SHISA9: variants seen among roughly 807,000 people sequenced by gnomAD.
The protein encoded by SHISA9 is shisa family member 9, also known as protein shisa-9.
SHISA9 carries 13 observed loss-of-function variants against 38.0 expected under a neutral mutation model. The observed-to-expected ratio is 0.34, with a 90% CI of 0.22 to 0.54. The LOEUF is 0.54. Among genes scored for constraint, SHISA9 ranks in the 20% least tolerant of loss-of-function variants. The pLI is 0.91. For missense variants in SHISA9, 538 were observed against 575.8 expected, an observed-to-expected ratio of 0.93 and a Z score of 0.67; for synonymous variants, 275 against 242.0, an observed-to-expected ratio of 1.14 and a Z score of -1.27.
intron 2 of SHISA9, among the ~76,000 whole-genome samples, chr16:13,024,444 C>G (rs1222659866): frequency 6.6e-6 from 1 of 152,200 alleles, no homozygotes; most frequent in African/African-American, 2.4e-5. Context: ...TTGGCTGGTT[C>G]AGATGCAACA....
chr16:13,500,572 A>T, the SHISA9 span, among the ~76,000 whole-genome samples: 11 of 151,168 alleles, frequency 7.3e-5, no homozygotes, highest in African/African-American at 2.4e-4. Flanking sequence ...GAGAAAGAGA[A>T]ATAGAGAGAG....
At chr16:12,931,130 A>G (rs1206591686) in intron 2 of SHISA9, among the ~76,000 whole-genome samples, 2 of 152,308 alleles carry the variant, frequency 1.3e-5, no homozygotes, top group East Asian at 3.9e-4. Context: ...TGCTCCCAGG[A>G]TAACTTTTAG....
the SHISA9 span, among the ~76,000 whole-genome samples, chr16:13,300,841 C>G: frequency 1.2e-5 from 1 of 83,850 alleles, no homozygotes; most frequent in Admixed American, 1.4e-4. Context: ...CTCCCCTCCC[C>G]TCTTCTCTCC....
chr16:13,015,853 C>T (rs1022079110), intron 2 of SHISA9, among the ~76,000 whole-genome samples: 19 of 98,632 alleles, frequency 1.9e-4, no homozygotes, highest in African/African-American at 7.0e-4. Flanking sequence ...TCTTTCTTTC[C>T]CTTTCTTTCT....
the SHISA9 span, among the ~76,000 whole-genome samples, chr16:13,367,735 C>CACACAA: frequency 1.0e-4 from 15 of 148,354 alleles, no homozygotes; most frequent in African/African-American, 3.7e-4. Context: ...CACACACACA[C>CACACAA]ACACACACAC....
chr16:13,296,982 C>A, the SHISA9 span, among the ~76,000 whole-genome samples: 1 of 149,966 alleles, frequency 6.7e-6, no homozygotes, highest in Non-Finnish European at 1.5e-5. Flanking sequence ...AGAGAATAAC[C>A]ATTCATATTT....
At chr16:13,479,846 T>C in the SHISA9 span, among the ~76,000 whole-genome samples, 2 of 152,194 alleles carry the variant, frequency 1.3e-5, no homozygotes, top group Admixed American at 6.5e-5. Flanking sequence ...TGTGTGAAAA[T>C]TGGACCAACA....
intron 2 of SHISA9, among the ~76,000 whole-genome samples, chr16:12,981,891 A>G (rs553664868): frequency 6.6e-6 from 1 of 152,324 alleles, no homozygotes; most frequent in Non-Finnish European, 1.5e-5. Context: ...GCTATCTACA[A>G]GTCAAGAAGA....
chr16:13,247,423 T>C, the SHISA9 span, among the ~76,000 whole-genome samples: 1 of 152,170 alleles, frequency 6.6e-6, no homozygotes, highest in Non-Finnish European at 1.5e-5. Context: ...ATTTTAAAGA[T>C]AAGGGAACTG....
intron 2 of SHISA9, among the ~76,000 whole-genome samples, chr16:13,106,966 T>TTCTCTCTCTC (rs56109043): frequency 1.1e-4 from 16 of 145,318 alleles, no homozygotes; most frequent in African/African-American, 3.0e-4. Context: ...CTTTCTCACG[T>TTCTCTCTCTC]TCTCTCTCTC....
intron 4 of SHISA9, among the ~76,000 whole-genome samples, chr16:13,229,047 C>G (rs1429477330): frequency 6.6e-6 from 1 of 152,166 alleles, no homozygotes; most frequent in Non-Finnish European, 1.5e-5. Flanking sequence ...GGAATCCTAG[C>G]TACTTGGGAG....
chr16:12,905,643 G>A (rs2071082512), intron 1 of SHISA9, among the ~76,000 whole-genome samples: 1 of 151,452 alleles, frequency 6.6e-6, no homozygotes, highest in Non-Finnish European at 1.5e-5. Flanking sequence ...CCAGGCTGGA[G>A]TGCAGTGGCA....
At chr16:13,517,457 A>C in the SHISA9 span, among the ~76,000 whole-genome samples, 1 of 152,230 alleles carries the variant, frequency 6.6e-6, no homozygotes, top group Non-Finnish European at 1.5e-5. Context: ...AAAGTGCACC[A>C]CTTGTATCTC....
At chr16:13,357,965 T>G in the SHISA9 span, among the ~76,000 whole-genome samples, 1 of 152,148 alleles carries the variant, frequency 6.6e-6, no homozygotes, top group African/African-American at 2.4e-5. Context: ...ATTCACTTCT[T>G]TTGTGATTCT....
the SHISA9 span, among the ~76,000 whole-genome samples, chr16:13,313,269 A>AC: frequency 1.7e-5 from 2 of 117,454 alleles, no homozygotes; most frequent in African/African-American, 6.0e-5. Context: ...AAAAAAAAAA[A>AC]AAACCCAGTT....
the SHISA9 span, among the ~76,000 whole-genome samples, chr16:13,459,598 A>G: frequency 2.0e-5 from 3 of 152,130 alleles, no homozygotes; most frequent in Non-Finnish European, 4.4e-5. Flanking sequence ...TCAAAAACAG[A>G]TATCACTGAA....
chr16:13,071,007 C>A (rs1008348266), intron 2 of SHISA9, among the ~76,000 whole-genome samples: 4 of 152,134 alleles, frequency 2.6e-5, no homozygotes, highest in African/African-American at 7.2e-5. Flanking sequence ...CTTGAGTAAC[C>A]TTTCAGTTTG....
intron 1 of SHISA9, among the ~76,000 whole-genome samples, chr16:12,905,250 G>T (rs761156417): frequency 6.6e-6 from 1 of 152,182 alleles, no homozygotes; most frequent in African/African-American, 2.4e-5. Context: ...GTGAGGTGCT[G>T]TGTCCAAGAT....
intron 2 of SHISA9, among the ~76,000 whole-genome samples, chr16:13,157,669 A>T (rs541831647): frequency 6.6e-6 from 1 of 152,182 alleles, no homozygotes; most frequent in South Asian, 2.1e-4. Flanking sequence ...TCCATTTTGC[A>T]CATAAAAAGG....
Sources: gnomAD v4.1 joint callset for allele counts (sites outside exome capture counted in the v4.1 genomes callset) on GRCh38, gnomAD v4.1.1 for gene constraint, MANE v1.5 for transcripts, NCBI Gene and HGNC (gene_info 2026-07-23, HGNC 2026-07-21) for gene names.